Variants in POU6F2 observed in about 807,000 individuals in gnomAD.
POU6F2 encodes the protein POU class 6 homeobox 2.
A neutral mutation model predicts 71.3 loss-of-function variants in POU6F2; 31 were observed. The ratio of observed to expected loss-of-function variants is 0.43; its 90% CI spans 0.33 to 0.59. The LOEUF (loss-of-function observed/expected upper bound fraction) is 0.59, where lower values mean the gene tolerates loss of function less well. Ranked by LOEUF, POU6F2 falls within the 20% of genes least tolerant of loss-of-function variation. The pLI is 0.04. For missense variants in POU6F2, 783 were observed against 856.8 expected (o/e 0.91, Z 1.07); for synonymous variants, 347 against 355.7 (o/e 0.98, Z 0.27).
chr7:39,191,934 AG>A (rs1793678805), intron 2 of POU6F2, among the ~76,000 whole-genome samples: 1 of 152,214 alleles, frequency 6.6e-6, no homozygotes, highest in Non-Finnish European at 1.5e-5. Context: ...GAAGGAAAAA[AG>A]TCTCCAACAA....
intron 1 of POU6F2, among the ~76,000 whole-genome samples, chr7:39,068,783 G>A (rs1790812944): frequency 6.6e-6 from 1 of 152,056 alleles, no homozygotes; most frequent in African/African-American, 2.4e-5. Flanking sequence ...TGGAAATGCT[G>A]GGAAACTTGA....
chr7:39,447,685 G>A (rs528366633), intron 7 of POU6F2, among the ~76,000 whole-genome samples: 12 of 152,228 alleles, frequency 7.9e-5, no homozygotes, highest in African/African-American at 1.7e-4. Flanking sequence ...TGCCTTTATA[G>A]AAGCATCTAA....
chr7:39,068,506 T>TATATATATATATATATATATATATAA (rs1249945435), intron 1 of POU6F2, among the ~76,000 whole-genome samples: 1 of 151,592 alleles, frequency 6.6e-6, no homozygotes, highest in African/African-American at 2.4e-5. Context: ...TATATATATA[T>TATATATATATATATATATATATATAA]AATTTTCATA....
chr7:39,036,835 T>C (rs1790076244), intron 1 of POU6F2, among the ~76,000 whole-genome samples: 1 of 151,416 alleles, frequency 6.6e-6, no homozygotes, highest in Non-Finnish European at 1.5e-5. Context: ...TCCTAGTATT[T>C]TAACTTGTAG....
chr7:39,205,927 G>T (rs1357889184), intron 3 of POU6F2, among the ~76,000 whole-genome samples: 1 of 152,152 alleles, frequency 6.6e-6, no homozygotes, highest in African/African-American at 2.4e-5. Context: ...TCTGTTCTTT[G>T]TATTGGAGGG....
At chr7:39,014,728 T>C (rs974938896) in intron 1 of POU6F2, among the ~76,000 whole-genome samples, 1 of 152,178 alleles carries the variant, frequency 6.6e-6, no homozygotes, top group Non-Finnish European at 1.5e-5. Flanking sequence ...ATTTTTTTTT[T>C]CCTGTTTTCT....
intron 4 of POU6F2, among the ~76,000 whole-genome samples, chr7:39,239,035 C>G (rs1438304160): frequency 2.0e-5 from 3 of 152,096 alleles, no homozygotes; most frequent in African/African-American, 7.2e-5. Context: ...CATTCTATAC[C>G]TCCATTACTT....
chr7:39,111,078 A>G (rs1347958275), intron 2 of POU6F2, among the ~76,000 whole-genome samples: 2 of 152,184 alleles, frequency 1.3e-5, no homozygotes, highest in African/African-American at 2.4e-5. Context: ...AAATGTGTAT[A>G]TGTGTATATA....
chr7:39,121,127 T>G (rs994242351), intron 2 of POU6F2, among the ~76,000 whole-genome samples: 3 of 152,214 alleles, frequency 2.0e-5, no homozygotes, highest in African/African-American at 7.2e-5. Flanking sequence ...GATGTTGGTA[T>G]GAGAAAGGTT....
At chr7:39,153,587 A>G (rs1388870000) in intron 2 of POU6F2, among the ~76,000 whole-genome samples, 2 of 152,212 alleles carry the variant, frequency 1.3e-5, no homozygotes, top group Admixed American at 6.5e-5. Context: ...TTATCCTCAT[A>G]CTACTATTGT....
At chr7:39,169,145 A>G (rs757256136) in intron 2 of POU6F2, among the ~76,000 whole-genome samples, 1 of 152,234 alleles carries the variant, frequency 6.6e-6, no homozygotes, top group Non-Finnish European at 1.5e-5. Flanking sequence ...TGAACTTTGT[A>G]CAGTAGGAAA....
At chr7:39,096,784 T>C (rs1791463665) in intron 2 of POU6F2, among the ~76,000 whole-genome samples, 1 of 152,214 alleles carries the variant, frequency 6.6e-6, no homozygotes, top group Non-Finnish European at 1.5e-5. Context: ...AATAGATGGC[T>C]GAAAGCCGAA....
intron 5 of POU6F2, among the ~76,000 whole-genome samples, chr7:39,381,034 A>G (rs1353553547): frequency 6.6e-6 from 1 of 152,112 alleles, no homozygotes; most frequent in South Asian, 2.1e-4. Context: ...GTGATCAAAC[A>G]TCCAGCCTTC....
At chr7:39,296,926 A>G (rs1784856664) in intron 4 of POU6F2, among the ~76,000 whole-genome samples, 1 of 152,186 alleles carries the variant, frequency 6.6e-6, no homozygotes. Flanking sequence ...GCATTTATTT[A>G]TTCAAAGCCA....
chr7:39,195,908 A>C (rs2128744110), intron 2 of POU6F2, among the ~76,000 whole-genome samples: 1 of 150,764 alleles, frequency 6.6e-6, no homozygotes, highest in South Asian at 2.1e-4. Flanking sequence ...ACATCTCCTC[A>C]CCCCCAAAAC....
chr7:39,105,519 T>A (rs955729072), intron 2 of POU6F2, among the ~76,000 whole-genome samples: 22 of 151,996 alleles, frequency 1.4e-4, no homozygotes, highest in African/African-American at 4.8e-4. Context: ...CATTTCCCCA[T>A]GTGTGATAAT....
At chr7:39,379,592 A>G (rs984567524) in intron 5 of POU6F2, among the ~76,000 whole-genome samples, 2 of 152,214 alleles carry the variant, frequency 1.3e-5, no homozygotes, top group African/African-American at 4.8e-5. Flanking sequence ...CCCTTTAGGT[A>G]AAATTCCACC....
chr7:39,048,670 G>A (rs770304196), intron 1 of POU6F2, among the ~76,000 whole-genome samples: 9 of 151,902 alleles, frequency 5.9e-5, no homozygotes, highest in African/African-American at 9.7e-5. Flanking sequence ...CTTTTTGATA[G>A]AAAAATTTAT....
At chr7:39,200,853 GAAAAAAAGA>G (rs1793883309) in intron 2 of POU6F2, among the ~76,000 whole-genome samples, 4 of 44,872 alleles carry the variant, frequency 8.9e-5, no homozygotes, top group East Asian at 6.6e-3. Context: ...GTACCAACAA[GAAAAAAAGA>G]AAAAAAAAGA....
Sources: gnomAD v4.1 joint callset for allele counts (sites outside exome capture counted in the v4.1 genomes callset) on GRCh38, gnomAD v4.1.1 for gene constraint, MANE v1.5 for transcripts, NCBI Gene and HGNC (gene_info 2026-07-23, HGNC 2026-07-21) for gene names.